CCDC3: variants seen among roughly 807,000 people sequenced by gnomAD.
CCDC3 encodes coiled-coil domain-containing protein 3.
Under a neutral mutation model 21.4 loss-of-function variants are expected in CCDC3, and 24 were observed. The observed-to-expected ratio is 1.12, with a 90% confidence interval of 0.81 to 1.58. CCDC3 has a LOEUF of 1.58. Among genes scored for constraint, CCDC3 ranks in the 40% most tolerant of loss-of-function variants. The probability of loss-of-function intolerance (pLI) is 0.00; values close to 1 mark genes in which losing one functional copy is unlikely to be tolerated. For synonymous variants in CCDC3, 186 were observed against 166.0 expected, an observed-to-expected ratio of 1.12 and a Z score of -0.93; for missense variants, 425 against 360.9, an observed-to-expected ratio of 1.18 and a Z score of -1.44.
At chr10:13,031,434 A>C (rs1298126172) in intron 5 of CCDC3, among the ~76,000 whole-genome samples, 2 of 152,236 alleles carry the variant, frequency 1.3e-5, no homozygotes, top group African/African-American at 4.8e-5. Flanking sequence ...CAATTAAAAG[A>C]ACTAGAGAAG....
chr10:13,031,763 C>T (rs1293597290), intron 5 of CCDC3, among the ~76,000 whole-genome samples: 2 of 152,140 alleles, frequency 1.3e-5, no homozygotes, highest in African/African-American at 4.8e-5. Context: ...AATTCCTGGA[C>T]ACATACACCC....
At chr10:12,902,459 C>T (rs1834109949) in intron 2 of CCDC3, among the ~76,000 whole-genome samples, 1 of 152,168 alleles carries the variant, frequency 6.6e-6, no homozygotes, top group South Asian at 2.1e-4. Flanking sequence ...TATAATGACA[C>T]TCCCTCATTA....
At chr10:13,051,859 G>C (rs1836612283) in intron 4 of CCDC3, among the ~76,000 whole-genome samples, 1 of 152,144 alleles carries the variant, frequency 6.6e-6, no homozygotes, top group South Asian at 2.1e-4. Context: ...CAGAAAGGGA[G>C]CTGACTTCCG....
At chr10:13,022,053 C>T (rs1275044026) in intron 5 of CCDC3, among the ~76,000 whole-genome samples, 1 of 152,142 alleles carries the variant, frequency 6.6e-6, no homozygotes, top group East Asian at 1.9e-4. Context: ...AGCTACCACG[C>T]CCAGCCTTAC....
intron 5 of CCDC3, among the ~76,000 whole-genome samples, chr10:13,049,003 C>T (rs7092551): frequency 0.39 from 58,525 of 151,842 alleles, 11,528 homozygotes; most frequent in Middle Eastern, 0.43. Context: ...AGTGTCACAA[C>T]TGGAGAGGGA....
chr10:13,043,393 G>A (rs1836486399), intron 5 of CCDC3, among the ~76,000 whole-genome samples: 1 of 152,108 alleles, frequency 6.6e-6, no homozygotes, highest in African/African-American at 2.4e-5. Flanking sequence ...AGGAGTTTGA[G>A]ACCAGCCTGA....
intron 3 of CCDC3, among the ~76,000 whole-genome samples, chr10:13,098,056 C>G (rs534274811): frequency 6.6e-6 from 1 of 152,284 alleles, no homozygotes; most frequent in African/African-American, 2.4e-5. Context: ...GTAACTTGGT[C>G]AAGGTCCTAC....
intron 2 of CCDC3, among the ~76,000 whole-genome samples, chr10:12,960,677 G>A (rs1337873495): frequency 6.6e-6 from 1 of 152,186 alleles, no homozygotes; most frequent in Non-Finnish European, 1.5e-5. Flanking sequence ...GGCGAGAAAT[G>A]TGGAAGATGG....
At chr10:13,038,896 C>T (rs1836413379) in intron 5 of CCDC3, among the ~76,000 whole-genome samples, 1 of 152,198 alleles carries the variant, frequency 6.6e-6, no homozygotes, top group Non-Finnish European at 1.5e-5. Context: ...ATCTTGCACA[C>T]CTGCTCAAGG....
chr10:12,911,813 C>A (rs1019896700), intron 2 of CCDC3, among the ~76,000 whole-genome samples: 1 of 152,024 alleles, frequency 6.6e-6, no homozygotes, highest in African/African-American at 2.4e-5. Context: ...CTTCCAATAC[C>A]CCTTCCAAGT....
chr10:13,098,710 A>ATGTTTTTTTTTTTT (rs1832666637), intron 2 of CCDC3: 1 of 64,854 alleles, frequency 1.5e-5, no homozygotes, highest in Non-Finnish European at 2.7e-5. Flanking sequence ...TCCTGCACTG[A>ATGTTTTTTTTTTTT]TTTTTTTTTT....
At chr10:12,926,750 G>C (rs1212996519) in intron 2 of CCDC3, among the ~76,000 whole-genome samples, 2 of 152,166 alleles carry the variant, frequency 1.3e-5, no homozygotes, top group Non-Finnish European at 2.9e-5. Flanking sequence ...GGTATATCAT[G>C]CAAACACTAA....
intron 2 of CCDC3, among the ~76,000 whole-genome samples, chr10:12,934,208 A>G (rs1834698541): frequency 6.6e-6 from 1 of 152,180 alleles, no homozygotes; most frequent in African/African-American, 2.4e-5. Context: ...TGTTACTTGG[A>G]AATGTCTTGT....
chr10:13,071,218 T>C (rs1454291348), intron 4 of CCDC3, among the ~76,000 whole-genome samples: 2 of 151,980 alleles, frequency 1.3e-5, no homozygotes, highest in Non-Finnish European at 1.5e-5. Context: ...CAAGACATCC[T>C]TTTCTCTCCC....
Position 12,973,012 on chromosome 10 carries a change from G to C in CCDC3, c.549+25326C>G, listed in dbSNP as rs576559716. Among the ~76,000 whole-genome samples, 25 of 152,284 alleles carry C rather than the reference G, an allele frequency of 1.6e-4. No individual in the cohort carries two copies. In the East Asian group the frequency reaches 3.9e-3, roughly 24 times the overall value. ...GCCTGTTTCCTCATCTGCAAAATGA[G>C]GGAGATGTCCCCTTGCTTTTGAAAC... On this transcript the variant is annotated intron_variant, in intron 2 of 2. Transcript: ENST00000378825.
intron 2 of CCDC3, among the ~76,000 whole-genome samples, chr10:12,900,466 C>G (rs929382592): frequency 5.8e-5 from 8 of 137,896 alleles, no homozygotes; most frequent in Admixed American, 4.0e-4. Flanking sequence ...ATCACAAGGT[C>G]AGGAGATCGA....
chr10:12,909,411 G>A (rs536079443), intron 2 of CCDC3, among the ~76,000 whole-genome samples: 11 of 152,310 alleles, frequency 7.2e-5, no homozygotes, highest in African/African-American at 2.4e-4. Flanking sequence ...GGCTGCCAGT[G>A]GGGCACCCGG....
Position 12,898,619 on chromosome 10 carries a change from G to A in CCDC3, c.610C>T (p.Gln204Ter). 2 of 1,614,238 alleles carry A rather than the reference G, an allele frequency of 1.2e-6. No homozygotes were observed. The highest frequency in any genetic ancestry group is 1.7e-6 in the Non-Finnish European group (2 of 1,180,044). ...TTCTCCAGGGTGGCCACTTTCTGCT[G>A]CAGTTTCTTGACGTGGTCCTCCTCC... ...FEEEDHVKKL[Q>*]QKVATLEKRN... Residue 204 changes from glutamine (Q) to a stop codon, truncating the protein, a stop_gained, in exon 3 of 3, where the codon CAG (glutamine) becomes TAG (stop). Transcript: ENST00000378825. LOFTEE classifies it high-confidence loss of function.
intron 2 of CCDC3, among the ~76,000 whole-genome samples, chr10:12,971,005 G>GGA (rs1404521193): frequency 1.3e-5 from 2 of 152,068 alleles, no homozygotes; most frequent in Non-Finnish European, 2.9e-5. Context: ...TTTTAAATCT[G>GGA]GAATCTATCT....
Sources: allele counts gnomAD v4.1 joint callset (sites outside exome capture counted in the v4.1 genomes callset), GRCh38; gene constraint gnomAD v4.1.1; transcripts MANE v1.5; gene names NCBI Gene and HGNC (gene_info 2026-07-23, HGNC 2026-07-21).